Variants in RNF121 observed in about 807,000 individuals in gnomAD.
RNF121 encodes the protein ring finger protein 121, also known as E3 ubiquitin ligase RNF121.
RNF121 carries 21 observed loss-of-function variants against 46.5 expected under a neutral mutation model. That is an observed-to-expected ratio of 0.45 (90% CI 0.32 to 0.65). The LOEUF is 0.65. RNF121 is among the 30% of genes least tolerant of loss of function. The pLI, the probability that RNF121 is intolerant of heterozygous loss-of-function variation, is 0.04. For missense variants in RNF121, 346 were observed against 416.0 expected (o/e 0.83, Z 1.46); for synonymous variants, 139 against 144.7 (o/e 0.96, Z 0.28).
At chr11:71,984,072 T>C (rs1431437252) in intron 4 of RNF121, among the ~76,000 whole-genome samples, 1 of 152,252 alleles carries the variant, frequency 6.6e-6, no homozygotes, top group Non-Finnish European at 1.5e-5. Flanking sequence ...ACTTGTTCAC[T>C]GTATGACCTT....
rs370358136 is a variant in RNF121, at chr11:71,954,992, A to G, written c.64-2235A>G. On this transcript the variant is annotated intron_variant, in intron 1 of 8. Coordinates refer to ENST00000361756, the MANE Select transcript of RNF121 (RefSeq NM_018320.5). ...GCTCAGCTCTGTGCTGTTCTCCTTG[A>G]AAGACATAAATCACTATAAAGTGTG... Among the ~76,000 whole-genome samples, 50 of 152,312 alleles carry G rather than the reference A, an allele frequency of 3.3e-4. No homozygotes were observed. In the East Asian group the frequency reaches 8.3e-3, roughly 25 times the overall value.
At chr11:71,983,135 G>T in intron 4 of RNF121, 1 of 381,426 alleles carries the variant, frequency 2.6e-6, no homozygotes, top group Non-Finnish European at 4.6e-6. Context: ...TGGTTTCAAG[G>T]TATTTTTATA....
chr11:71,986,494 G>A (rs1421835540), intron 4 of RNF121, among the ~76,000 whole-genome samples: 1 of 152,182 alleles, frequency 6.6e-6, no homozygotes, highest in Non-Finnish European at 1.5e-5. Context: ...ATAGCTGGGT[G>A]TGGTGGCTCA....
chr11:71,937,694 G>A (rs546613808), intron 1 of RNF121, among the ~76,000 whole-genome samples: 8 of 152,168 alleles, frequency 5.3e-5, no homozygotes, highest in East Asian at 3.9e-4. Context: ...AGTCCTTGTC[G>A]TACCTTTTCC....
intron 1 of RNF121, among the ~76,000 whole-genome samples, chr11:71,936,614 T>A (rs1330876259): frequency 6.6e-6 from 1 of 152,146 alleles, no homozygotes; most frequent in Non-Finnish European, 1.5e-5. Context: ...CAGGATGGTC[T>A]CGATCTCCTG....
intron 3 of RNF121, among the ~76,000 whole-genome samples, chr11:71,976,537 G>C (rs1954530872): frequency 6.6e-6 from 1 of 151,788 alleles, no homozygotes; most frequent in Admixed American, 6.6e-5. Flanking sequence ...TGTATTTTTA[G>C]TAGAGACGGG....
At chr11:71,951,093 G>A (rs1953865334) in intron 1 of RNF121, among the ~76,000 whole-genome samples, 1 of 151,860 alleles carries the variant, frequency 6.6e-6, no homozygotes, top group Non-Finnish European at 1.5e-5. Context: ...GCGTGGTGGT[G>A]CATGCCTGTA....
At chr11:71,989,671 A>C (rs1341768158) in intron 5 of RNF121, among the ~76,000 whole-genome samples, 1 of 152,210 alleles carries the variant, frequency 6.6e-6, no homozygotes. Flanking sequence ...CAAGGTTGCA[A>C]ATTATCGGTC....
At chr11:71,973,126 T>C (rs1954455387) in intron 3 of RNF121, among the ~76,000 whole-genome samples, 1 of 150,870 alleles carries the variant, frequency 6.6e-6, no homozygotes, top group African/African-American at 2.4e-5. Flanking sequence ...GCGGAGGTTG[T>C]GGTGAGCCGA....
intron 1 of RNF121, among the ~76,000 whole-genome samples, chr11:71,952,807 C>CAA (rs111500493): frequency 4.9e-4 from 73 of 150,340 alleles, no homozygotes; most frequent in South Asian, 1.3e-3. Context: ...GACTCTGTCT[C>CAA]AAAAAAAAAA....
intron 3 of RNF121, among the ~76,000 whole-genome samples, 160 bp downstream of exon 3, chr11:71,961,051 T>A (rs1452268992): frequency 6.6e-6 from 1 of 152,174 alleles, no homozygotes; most frequent in African/African-American, 2.4e-5. Context: ...CGAGTGTGTG[T>A]CTAAGGGTCA....
Position 71,982,382 on chromosome 11 carries a change from T to C in RNF121, c.244-379T>C, listed in dbSNP as rs114884910. On this transcript the variant is annotated intron_variant, in intron 3 of 8. Transcript: ENST00000361756. ...AATGTTGGATCCTATCCTTTGACTGTTTAAGGGTTTTAAGCAGAGAAATGA... is the reference window on the plus strand; with the variant it reads ...AATGTTGGATCCTATCCTTTGACTGCTTAAGGGTTTTAAGCAGAGAAATGA... Among the ~76,000 whole-genome samples the C allele has an allele frequency of 4.0e-3, 586 of 148,170 alleles. 1 individual carries two copies. Among genetic ancestry groups the C allele is most frequent in the African/African-American group, 0.014 (551 of 40,206 alleles).
At chr11:71,996,136 A>G in intron 8 of RNF121, 59 bp from the exon 9 acceptor site, 1 of 1,603,368 alleles carries the variant, frequency 6.2e-7, no homozygotes, top group Non-Finnish European at 8.5e-7. Flanking sequence ...CCCACCACCC[A>G]TGCTAGATCA....
At chr11:71,959,093 T>G (rs751077424) in intron 2 of RNF121, among the ~76,000 whole-genome samples, 3 of 152,198 alleles carry the variant, frequency 2.0e-5, no homozygotes, top group Non-Finnish European at 4.4e-5. Context: ...TATACAGATG[T>G]GAGGTTAATT....
At chr11:71,929,574 G>T (rs780201061) in intron 1 of RNF121, among the ~76,000 whole-genome samples, 4 of 152,088 alleles carry the variant, frequency 2.6e-5, no homozygotes, top group Non-Finnish European at 5.9e-5. Flanking sequence ...TAGTAGTATA[G>T]CTTTGAGTTA....
intron 3 of RNF121, among the ~76,000 whole-genome samples, chr11:71,980,521 A>T (rs1954628996): frequency 6.6e-6 from 1 of 151,956 alleles, no homozygotes; most frequent in African/African-American, 2.4e-5. Flanking sequence ...TAATTTTTGT[A>T]TTTTTAGTAG....
chr11:71,980,720 C>T (rs1051253673), intron 3 of RNF121, among the ~76,000 whole-genome samples: 1 of 152,164 alleles, frequency 6.6e-6, no homozygotes, highest in Non-Finnish European at 1.5e-5. Context: ...ACTAAAACTG[C>T]TCTAAGCTGC....
intron 3 of RNF121, among the ~76,000 whole-genome samples, chr11:71,967,781 C>T (rs1235961817): frequency 6.6e-6 from 1 of 152,024 alleles, no homozygotes; most frequent in Non-Finnish European, 1.5e-5. Context: ...ATTTCCTCCT[C>T]CCAATTTTTA....
At chr11:71,982,989 G>A (rs748768786) in intron 4 of RNF121, 74 bp downstream of exon 4, 1 of 1,378,928 alleles carries the variant, frequency 7.3e-7, no homozygotes, top group Admixed American at 2.8e-5. Flanking sequence ...AGGAGCATAG[G>A]TTTAGACTGA....
Sources: gnomAD v4.1 joint callset for allele counts (sites outside exome capture counted in the v4.1 genomes callset) on GRCh38, gnomAD v4.1.1 for gene constraint, MANE v1.5 for transcripts, NCBI Gene and HGNC (gene_info 2026-07-23, HGNC 2026-07-21) for gene names.